The following NAALADL2 variants were observed in gnomAD, a reference collection of about 807,000 sequenced individuals.
The protein encoded by NAALADL2 is N-acetylated alpha-linked acidic dipeptidase like 2.
In NAALADL2, 76 loss-of-function variants were observed where a neutral mutation model predicts 87.2. The ratio of observed to expected loss-of-function variants is 0.87; its 90% CI spans 0.72 to 1.05. The LOEUF (loss-of-function observed/expected upper bound fraction) is 1.05. Ranked by LOEUF, NAALADL2 falls within the 50% of genes least tolerant of loss-of-function variation. NAALADL2 has a pLI of 0.00. For missense variants in NAALADL2, 1,089 were observed against 945.8 expected (o/e 1.15, Z -1.99); for synonymous variants, 354 against 331.0 (o/e 1.07, Z -0.75).
At position 174,891,718 on chromosome 3, in the gene NAALADL2, G is replaced by A. The variant is rs117750972; in HGVS notation, c.43+32268G>A. ...GGTCTCTAAGTAAACTTGAAAGGCA[G>A]TCTCTGCCACAAGGACTGTAACTCT... On this transcript the variant is annotated intron_variant, in intron 1 of 13. Transcript: ENST00000454872. Among the ~76,000 whole-genome samples the A allele has an allele frequency of 5.3e-5, 8 of 152,250 alleles. No homozygotes were observed. In the East Asian group the frequency reaches 1.6e-3, roughly 30 times the overall value.
chr3:175,761,583 C>G (rs868197868), intron 13 of NAALADL2, among the ~76,000 whole-genome samples: 2 of 152,146 alleles, frequency 1.3e-5, no homozygotes, highest in African/African-American at 4.8e-5. Context: ...GCCAAACTGT[C>G]TTTCCAAGGG....
chr3:175,215,702 T>A (rs573470705), intron 2 of NAALADL2, among the ~76,000 whole-genome samples: 46 of 152,294 alleles, frequency 3.0e-4, no homozygotes, highest in African/African-American at 1.1e-3. Context: ...TGTCTCCATA[T>A]ACCTAATTAA....
chr3:175,365,701 CT>C (rs1254868958), intron 5 of NAALADL2, among the ~76,000 whole-genome samples: 1 of 146,188 alleles, frequency 6.8e-6, no homozygotes, highest in African/African-American at 2.5e-5. Flanking sequence ...ATTGTATGAC[CT>C]AAAAAAATCT....
intron 3 of NAALADL2, among the ~76,000 whole-genome samples, chr3:174,844,717 C>CTTAAAT (rs112016164): frequency 0.012 from 1,740 of 150,166 alleles, 37 homozygotes; most frequent in African/African-American, 0.041. Flanking sequence ...TACTTCCTTG[C>CTTAAAT]TTATTTTCTT....
chr3:175,224,695 A>T (rs961278360), intron 2 of NAALADL2, among the ~76,000 whole-genome samples: 1 of 152,108 alleles, frequency 6.6e-6, no homozygotes. Context: ...GAAATATACC[A>T]TTGTCAATGC....
At chr3:175,047,844 A>G (rs930070490) in intron 1 of NAALADL2, among the ~76,000 whole-genome samples, 2 of 152,188 alleles carry the variant, frequency 1.3e-5, no homozygotes, top group Non-Finnish European at 2.9e-5. Flanking sequence ...TATATTCACA[A>G]CTGGCAAATG....
At chr3:175,509,468 T>G (rs1375736492) in intron 9 of NAALADL2, among the ~76,000 whole-genome samples, 1 of 152,236 alleles carries the variant, frequency 6.6e-6, no homozygotes, top group Non-Finnish European at 1.5e-5. Flanking sequence ...AGATCATAAC[T>G]GATGTCTTCT....
At chr3:174,648,740 C>T (rs1343815676) in intron 2 of NAALADL2, among the ~76,000 whole-genome samples, 1 of 152,042 alleles carries the variant, frequency 6.6e-6, no homozygotes, top group African/African-American at 2.4e-5. Context: ...TCACACTCTA[C>T]TTTTATTGAA....
Position 174,983,585 on chromosome 3 carries a change from T to G in NAALADL2, c.44-113205T>G, listed in dbSNP as rs546626500. Among the ~76,000 whole-genome samples, 47 of 152,254 alleles carry G rather than the reference T, an allele frequency of 3.1e-4. No homozygotes were observed. The South Asian group carries it at 7.7e-3, about 25-fold the overall frequency. On this transcript the variant is annotated intron_variant, in intron 1 of 13. Coordinates refer to ENST00000454872, the MANE Select transcript of NAALADL2 (RefSeq NM_207015.3). ...AAATATTTGCTCTCTGCTTCATAGA[T>G]GGGGCCCTCTGGCTGTGTCCTCACA... is the stretch of plus-strand genomic sequence containing the variant.
At chr3:174,984,314 A>C (rs1248700888) in intron 1 of NAALADL2, among the ~76,000 whole-genome samples, 2 of 152,228 alleles carry the variant, frequency 1.3e-5, no homozygotes, top group Non-Finnish European at 2.9e-5. Context: ...GATGGTAGCA[A>C]AAGTGTGCCT....
At chr3:174,518,239 T>A (rs528263249) in intron 1 of NAALADL2, among the ~76,000 whole-genome samples, 5 of 152,282 alleles carry the variant, frequency 3.3e-5, no homozygotes, top group Non-Finnish European at 7.4e-5. Flanking sequence ...CAAATTTTTT[T>A]AAAATACTGT....
At chr3:175,692,669 A>C (rs1216324045) in intron 11 of NAALADL2, among the ~76,000 whole-genome samples, 2 of 152,294 alleles carry the variant, frequency 1.3e-5, no homozygotes, top group South Asian at 2.1e-4. Context: ...GTTTTCATCC[A>C]CTTCATGGCC....
At chr3:175,420,805 C>T (rs1715566095) in intron 5 of NAALADL2, among the ~76,000 whole-genome samples, 1 of 151,922 alleles carries the variant, frequency 6.6e-6, no homozygotes, top group African/African-American at 2.4e-5. Context: ...AATTTAAAAA[C>T]AGGTCAGGGG....
At chr3:174,549,872 T>C (rs1711910120) in intron 1 of NAALADL2, among the ~76,000 whole-genome samples, 1 of 152,000 alleles carries the variant, frequency 6.6e-6, no homozygotes, top group African/African-American at 2.4e-5. Flanking sequence ...GGGGAGCATT[T>C]ATTCCATAAC....
At chr3:174,779,318 TGG>T (rs1176613969) in intron 3 of NAALADL2, among the ~76,000 whole-genome samples, 2 of 137,756 alleles carry the variant, frequency 1.5e-5, no homozygotes, top group African/African-American at 5.2e-5. Context: ...CCACTTTTGA[TGG>T]GGTTGTTTTT....
chr3:175,240,085 G>T (rs971232592), intron 3 of NAALADL2, among the ~76,000 whole-genome samples: 1 of 151,958 alleles, frequency 6.6e-6, no homozygotes, highest in African/African-American at 2.4e-5. Context: ...AGACAAATAC[G>T]AATCATTAGG....
intron 3 of NAALADL2, among the ~76,000 whole-genome samples, chr3:174,822,911 C>T (rs1378659259): frequency 6.6e-6 from 1 of 152,070 alleles, no homozygotes; most frequent in African/African-American, 2.4e-5. Flanking sequence ...TATTTTTTAT[C>T]TATTTGCAAT....
intron 2 of NAALADL2, among the ~76,000 whole-genome samples, chr3:175,098,308 A>G (rs538521908): frequency 6.6e-5 from 10 of 152,198 alleles, no homozygotes; most frequent in Admixed American, 1.3e-4. Flanking sequence ...TGATTGTATC[A>G]TTCAGGACCC....
chr3:174,954,361 TAAATG>T (rs1458625290), intron 1 of NAALADL2, among the ~76,000 whole-genome samples: 9 of 152,154 alleles, frequency 5.9e-5, no homozygotes, highest in Admixed American at 2.0e-4. Flanking sequence ...ATTAAGTTAT[TAAATG>T]AAAACTGTAC....
Sources: gnomAD v4.1 joint callset for allele counts (sites outside exome capture counted in the v4.1 genomes callset) on GRCh38, gnomAD v4.1.1 for gene constraint, MANE v1.5 for transcripts, NCBI Gene and HGNC (gene_info 2026-07-23, HGNC 2026-07-21) for gene names.